Variants in SERPINB3 observed in about 807,000 individuals in gnomAD.
SERPINB3 encodes serpin family B member 3, also known as serpin B3.
Under a neutral mutation model 33.0 loss-of-function variants are expected in SERPINB3, and 33 were observed. That is an observed-to-expected ratio of 1.00 (90% confidence interval 0.76 to 1.34). The LOEUF (loss-of-function observed/expected upper bound fraction) is 1.34. Among genes scored for constraint, SERPINB3 ranks in the 40% most tolerant of loss-of-function variants. SERPINB3 has a pLI of 0.00. For synonymous variants in SERPINB3, 200 were observed against 170.9 expected (o/e 1.17, Z -1.33); for missense variants, 518 against 461.5 (o/e 1.12, Z -1.12).
chr18:63,659,651 CCT>C, intron 3 of SERPINB3, 124 bp from the exon 4 acceptor site: 1 of 1,301,768 alleles, frequency 7.7e-7, no homozygotes, highest in Non-Finnish European at 1.1e-6. Flanking sequence ...GAGCTTATTC[CCT>C]GATACTTGGT....
chr18:63,657,243 A>G (rs1913521750), intron 6 of SERPINB3, 27 bp downstream of exon 6: 1 of 1,211,522 alleles, frequency 8.3e-7, no homozygotes, highest in South Asian at 1.5e-5. Context: ...AACATATTAC[A>G]TTATATAAAT....
Position 63,659,411 on chromosome 18 carries a change from A to G in SERPINB3, c.339T>C (p.Tyr113=), listed in dbSNP as rs1376862726. The G allele has an allele frequency of 6.2e-7, 1 of 1,612,802 alleles. No individual in the cohort carries two copies. Among genetic ancestry groups the G allele is most frequent in the African/African-American group, 1.3e-5 (1 of 74,954 alleles). Reference sequence around the variant, plus strand: ...CAGGTGAAATTACCTGTAAAAATAGATACGTTTTTTCTCCGAAGAGCTTGT... The same window carrying G: ...CAGGTGAAATTACCTGTAAAAATAGGTACGTTTTTTCTCCGAAGAGCTTGT... ...IANKLFGEKT[Y]LFLQEYLDAI... The change falls in exon 4 of 8, where the codon TAT becomes TAC. Residue 113 remains tyrosine, a synonymous_variant. Transcript: ENST00000283752.
intron 3 of SERPINB3, among the ~76,000 whole-genome samples, chr18:63,659,863 C>G (rs112996321): frequency 1.3e-5 from 2 of 152,030 alleles, no homozygotes; most frequent in Non-Finnish European, 1.5e-5. Context: ...AGGCAAGGAC[C>G]ATATTTCACT....
intron 3 of SERPINB3, 52 bp downstream of exon 3, chr18:63,660,748 A>G: frequency 6.2e-7 from 1 of 1,611,314 alleles, no homozygotes; most frequent in Non-Finnish European, 8.5e-7. Flanking sequence ...CCAGGTTCAA[A>G]CTATGACCTG....
At chr18:63,659,629 A>T (rs1053686994) in intron 3 of SERPINB3, 102 bp from the exon 4 acceptor site, 31 of 1,501,198 alleles carry the variant, frequency 2.1e-5, no homozygotes, top group African/African-American at 6.9e-5. Flanking sequence ...GGTAGTCTCA[A>T]TGAGGACCTT....
intron 3 of SERPINB3, among the ~76,000 whole-genome samples, chr18:63,660,523 C>T (rs1913613194): frequency 6.6e-6 from 1 of 152,108 alleles, no homozygotes; most frequent in Non-Finnish European, 1.5e-5. Context: ...GTGTCCTGCT[C>T]ATGTTCACCA....
chr18:63,658,877 G>C (rs1250458871), intron 4 of SERPINB3, among the ~76,000 whole-genome samples: 2 of 152,120 alleles, frequency 1.3e-5, no homozygotes, highest in Non-Finnish European at 2.9e-5. Flanking sequence ...AAGAGGCTGT[G>C]GTTTGCAAAC....
Position 63,655,960 on chromosome 18 carries a change from T to C in SERPINB3, c.870A>G (p.Glu290=). The part of the protein sequence containing the change: ...VDLHLPRFKV[E]ESYDLKDTLR... ...ACGTGTCCTTGAGGTCATAGCTCTC[T>C]TCCACTTTGAACCGAGGTAAGTGTA... is the stretch of plus-strand genomic sequence containing the variant. Residue 290 remains glutamate (E), a synonymous_variant, in exon 8 of 8, where the codon GAA becomes GAG. Transcript: ENST00000283752. The C allele has an allele frequency of 5.0e-6, 8 of 1,614,070 alleles. No homozygotes were observed. The highest frequency in any genetic ancestry group is 6.8e-6 in the Non-Finnish European group (8 of 1,179,968).
At chr18:63,656,447 A>G (rs751745216) in intron 7 of SERPINB3, among the ~76,000 whole-genome samples, 72 of 152,186 alleles carry the variant, frequency 4.7e-4, no homozygotes, top group African/African-American at 1.4e-3. Context: ...TTTTCTGTAT[A>G]CATTATTTAG....
At chr18:63,657,133 C>G in intron 6 of SERPINB3, 137 bp downstream of exon 6, 1 of 918,636 alleles carries the variant, frequency 1.1e-6, no homozygotes, top group African/African-American at 1.7e-5. Context: ...GAATTCCTAA[C>G]TAAATAAAGT....
At chr18:63,660,918 T>A (rs1913626269) in intron 2 of SERPINB3, 62 bp from the exon 3 acceptor site, 8 of 1,612,454 alleles carry the variant, frequency 5.0e-6, no homozygotes, top group Admixed American at 3.3e-5. Flanking sequence ...AAGTCAGTGG[T>A]CTCACAGTTA....
intron 4 of SERPINB3, among the ~76,000 whole-genome samples, 161 bp from the exon 5 acceptor site, chr18:63,658,791 T>C (rs1913565204): frequency 6.6e-6 from 1 of 152,168 alleles, no homozygotes; most frequent in Non-Finnish European, 1.5e-5. Flanking sequence ...ATGTAGGCAA[T>C]GCAAAAGCGG....
Position 63,661,142 on chromosome 18 carries a change from G to A in SERPINB3, c.75C>T (p.Asn25=), listed in dbSNP as rs1489004872. The change falls in exon 2 of 8, where the codon AAC becomes AAT. Residue 25 remains asparagine, a synonymous_variant. Coordinates refer to ENST00000283752, the MANE Select transcript of SERPINB3 (RefSeq NM_006919.3). ...LFQQFRKSKE[N]NIFYSPISIT... Reference sequence around the variant, plus strand: ...TGCTGATAGGGGAATAGAAGATGTTGTTCTCTTTTGATTTTCTGAACTGTT... The same window carrying A: ...TGCTGATAGGGGAATAGAAGATGTTATTCTCTTTTGATTTTCTGAACTGTT... 1 of 1,613,498 alleles carries A rather than the reference G, an allele frequency of 6.2e-7. No homozygotes were observed. Among genetic ancestry groups the A allele is most frequent in the Non-Finnish European group, 8.5e-7 (1 of 1,179,668 alleles).
rs1913524145 is a variant in SERPINB3 at position 63,657,326 on chromosome 18, A to C, written c.556T>G (p.Trp186Gly). ...TCTTCTTTATTAAATTTCTTCTCCC[A>C]CTGCCCTTTGAAATAGATTGCGTTC... The part of the protein sequence containing the change: ...LVNAIYFKGQ[W>G]EKKFNKEDTK... Residue 186 changes from tryptophan to glycine, a missense_variant, in exon 6 of 8, where the codon TGG becomes GGG. Trp to Gly is a radical substitution (Grantham distance 184). Transcript: ENST00000283752. 1 of 1,609,408 alleles carries C rather than the reference A, an allele frequency of 6.2e-7. No homozygotes were observed. Among genetic ancestry groups the C allele is most frequent in the African/African-American group, 1.3e-5 (1 of 74,920 alleles).
In SERPINB3 at chr18:63,661,051, C is replaced by G. The variant is rs187745639; in HGVS notation, c.165+1G>C. ...GACAACATAATGATGCTGATAGCTACCTTCTTAATCTGTTGTGCAGTGTTG... is the reference window on the plus strand; with the variant it reads ...GACAACATAATGATGCTGATAGCTAGCTTCTTAATCTGTTGTGCAGTGTTG... On this transcript the variant is annotated splice_donor_variant, in intron 2 of 7. Transcript: ENST00000283752. LOFTEE classifies it high-confidence loss of function. 8 of 1,613,506 alleles carry G rather than the reference C, an allele frequency of 5.0e-6. No homozygotes were observed. In the African/African-American group the frequency reaches 1.1e-4, roughly 22 times the overall value.
At chr18:63,657,044 T>C in intron 6 of SERPINB3, 58 bp from the exon 7 acceptor site, 1 of 1,443,084 alleles carries the variant, frequency 6.9e-7, no homozygotes, top group Non-Finnish European at 9.5e-7. Flanking sequence ...AAAAAGATAA[T>C]ATTATTGAGA....
At chr18:63,657,022 G>A in intron 6 of SERPINB3, 36 bp from the exon 7 acceptor site, 3 of 1,538,790 alleles carry the variant, frequency 1.9e-6, no homozygotes, top group Non-Finnish European at 2.7e-6. Flanking sequence ...AATACCAAGT[G>A]AGACACAAGG....
chr18:63,657,817 T>G (rs546993748), intron 5 of SERPINB3, among the ~76,000 whole-genome samples: 4 of 150,762 alleles, frequency 2.7e-5, no homozygotes, highest in East Asian at 3.9e-4. Flanking sequence ...TCAGAGGAAG[T>G]AGGCCCTGAC....
rs1275566563 is a variant in SERPINB3, at chr18:63,657,300, A to G, written c.582T>C (p.Asp194=). 25 of 1,602,064 alleles carry G rather than the reference A, an allele frequency of 1.6e-5. No individual in the cohort carries two copies. Among genetic ancestry groups the G allele is most frequent in the Admixed American group, 3.4e-5 (2 of 59,688 alleles). ...TTGGCCAAAATTTTTCCTCTTTAGT[A>G]TCTTCTTTATTAAATTTCTTCTCCC... ...GQWEKKFNKE[D]TKEEKFWPNK... Residue 194 remains aspartate (D), a synonymous_variant, in exon 6 of 8, where the codon GAT becomes GAC. Transcript: ENST00000283752.
Sources: gnomAD v4.1 joint callset for allele counts (sites outside exome capture counted in the v4.1 genomes callset) on GRCh38, gnomAD v4.1.1 for gene constraint, MANE v1.5 for transcripts, NCBI Gene and HGNC (gene_info 2026-07-23, HGNC 2026-07-21) for gene names.